The following GRIN3A variants were observed in gnomAD, a reference collection of about 807,000 sequenced individuals.
The protein encoded by GRIN3A is glutamate ionotropic receptor NMDA type subunit 3A, also known as glutamate receptor ionotropic, NMDA 3A.
Under a neutral mutation model 92.4 loss-of-function variants are expected in GRIN3A, and 47 were observed. That is an observed-to-expected ratio of 0.51 (90% CI 0.40 to 0.65). GRIN3A has a LOEUF of 0.65. GRIN3A is among the 30% of genes least tolerant of loss of function. The probability of loss-of-function intolerance (pLI) is 0.00; values close to 1 mark genes in which losing one functional copy is unlikely to be tolerated. For synonymous variants in GRIN3A, 527 were observed against 540.6 expected (o/e 0.97, Z 0.35); for missense variants, 1,324 against 1,393.1 (o/e 0.95, Z 0.79).
chr9:101,668,665 G>A (rs2118947153), intron 3 of GRIN3A, among the ~76,000 whole-genome samples: 1 of 152,228 alleles, frequency 6.6e-6, no homozygotes, highest in East Asian at 1.9e-4. Context: ...TCATTGAGAA[G>A]TTACAAAATT....
intron 3 of GRIN3A, among the ~76,000 whole-genome samples, chr9:101,652,729 T>G (rs1287065968): frequency 6.6e-6 from 1 of 152,038 alleles, no homozygotes; most frequent in African/African-American, 2.4e-5. Flanking sequence ...TGAGGAAAAC[T>G]AGTTGAGTAA....
intron 5 of GRIN3A, among the ~76,000 whole-genome samples, chr9:101,619,370 G>A (rs1260546099): frequency 6.6e-6 from 1 of 152,102 alleles, no homozygotes; most frequent in South Asian, 2.1e-4. Context: ...AGAAATGTGT[G>A]GGAGAAGTTG....
intron 3 of GRIN3A, among the ~76,000 whole-genome samples, chr9:101,649,475 T>G (rs1398508748): frequency 6.6e-6 from 1 of 152,004 alleles, no homozygotes; most frequent in Non-Finnish European, 1.5e-5. Context: ...GGGCTTTTCA[T>G]GAAGATTCCA....
intron 5 of GRIN3A, among the ~76,000 whole-genome samples, chr9:101,619,185 T>A (rs1157435789): frequency 6.6e-6 from 1 of 152,196 alleles, no homozygotes; most frequent in African/African-American, 2.4e-5. Context: ...AAATAGCATC[T>A]CAGATAGGGT....
At chr9:101,616,340 T>C (rs4743475) in intron 5 of GRIN3A, among the ~76,000 whole-genome samples, 20,299 of 152,182 alleles carry the variant, frequency 0.13, 1,418 homozygotes, top group East Asian at 0.24. Flanking sequence ...TTTAAAATGT[T>C]ATTTAATAAT....
chr9:101,699,092 CT>C (rs1829722372), intron 1 of GRIN3A, among the ~76,000 whole-genome samples: 1 of 152,188 alleles, frequency 6.6e-6, no homozygotes, highest in Non-Finnish European at 1.5e-5. Flanking sequence ...CATCGTAGAG[CT>C]GTACAAAAAT....
chr9:101,716,532 C>A lies in GRIN3A; in HGVS notation c.699+20749G>T, dbSNP rs536976452. On this transcript the variant is annotated intron_variant, in intron 1 of 8. Transcript: ENST00000361820. ...GAATAGAATGGATTATATTCATTAT[C>A]TTTTAGAGCCTTTTTTCTTTCTTGT... Among the ~76,000 whole-genome samples, 4 of 152,160 alleles carry A rather than the reference C, an allele frequency of 2.6e-5. No individual in the cohort carries two copies. In the East Asian group the frequency reaches 7.7e-4, roughly 29 times the overall value.
intron 1 of GRIN3A, among the ~76,000 whole-genome samples, chr9:101,724,412 C>T (rs1251359507): frequency 2.6e-5 from 4 of 152,288 alleles, no homozygotes; most frequent in South Asian, 2.1e-4. Flanking sequence ...GCTCCGAGTG[C>T]GGGGCCCGCC....
chr9:101,675,415 A>G (rs1409084256), intron 2 of GRIN3A, among the ~76,000 whole-genome samples: 1 of 151,920 alleles, frequency 6.6e-6, no homozygotes, highest in Admixed American at 6.6e-5. Context: ...TTTGCATGCA[A>G]AATGTTGACA....
intron 6 of GRIN3A, among the ~76,000 whole-genome samples, chr9:101,590,353 T>C (rs1223359032): frequency 7.5e-5 from 3 of 39,794 alleles, no homozygotes; most frequent in African/African-American, 1.8e-4. Context: ...ACTCTATTTA[T>C]TTATTTATTT....
chr9:101,672,950 A>G (rs2118956028), intron 2 of GRIN3A, among the ~76,000 whole-genome samples: 1 of 152,332 alleles, frequency 6.6e-6, no homozygotes, highest in East Asian at 1.9e-4. Context: ...ACTATAAGGG[A>G]AAGCTGATAC....
chr9:101,646,078 A>G (rs1404167023), intron 3 of GRIN3A, among the ~76,000 whole-genome samples: 1 of 151,724 alleles, frequency 6.6e-6, no homozygotes, highest in Non-Finnish European at 1.5e-5. Context: ...TTTTAGCTCA[A>G]TGTAGTCCTG....
At chr9:101,726,089 T>C (rs1830079189) in intron 1 of GRIN3A, among the ~76,000 whole-genome samples, 1 of 152,216 alleles carries the variant, frequency 6.6e-6, no homozygotes, top group Non-Finnish European at 1.5e-5. Flanking sequence ...GTCAGTCTCA[T>C]ATTGAGCATG....
In GRIN3A at chr9:101,648,042, G is replaced by C. The variant is rs541411366; in HGVS notation, c.2353-19641C>G. Among the ~76,000 whole-genome samples, 5 of 151,228 alleles carry C rather than the reference G, an allele frequency of 3.3e-5. No individual in the cohort carries two copies. In the East Asian group the frequency reaches 9.8e-4, roughly 30 times the overall value. ...TTAATTTTGGGTTTGGTTTATTCTT[G>C]CTTTTCTAGTTCGTTGAGGTGCATT... On this transcript the variant is annotated intron_variant, in intron 3 of 8. Transcript: ENST00000361820.
rs140872676 is a variant in GRIN3A, at chr9:101,573,472, G to A, written c.3050C>T (p.Ser1017Phe). ...CCGTCGGTTGTCATGACTCAGATTGGAAGTATTCCATACGGTAAGCTGACG... is the reference window on the plus strand; with the variant it reads ...CCGTCGGTTGTCATGACTCAGATTGAAAGTATTCCATACGGTAAGCTGACG... Reference protein sequence around the residue: ...GPRQLTVWNTSNLSHDNRRKY... With the variant: ...GPRQLTVWNTFNLSHDNRRKY... The change falls in exon 9 of 9, where the codon TCC (serine) becomes TTC (phenylalanine). Residue 1017 changes from serine (S) to phenylalanine (F), a missense_variant. Coordinates refer to ENST00000361820, the MANE Select transcript of GRIN3A (RefSeq NM_133445.3). The A allele has an allele frequency of 5.4e-4, 870 of 1,614,028 alleles. No homozygotes were observed. The highest frequency in any genetic ancestry group is 7.0e-4 in the Non-Finnish European group (823 of 1,179,964).
At chr9:101,723,556 C>T (rs1282845519) in intron 1 of GRIN3A, among the ~76,000 whole-genome samples, 1 of 152,148 alleles carries the variant, frequency 6.6e-6, no homozygotes, top group East Asian at 1.9e-4. Flanking sequence ...CTGGCTCGGG[C>T]AGCCTGCTTT....
chr9:101,673,757 C>G (rs1829358826), intron 2 of GRIN3A, among the ~76,000 whole-genome samples: 1 of 152,078 alleles, frequency 6.6e-6, no homozygotes, highest in African/African-American at 2.4e-5. Context: ...GCACCATAAA[C>G]TGACAAACTC....
At chr9:101,734,060 C>T (rs1364188910) in intron 1 of GRIN3A, among the ~76,000 whole-genome samples, 1 of 152,140 alleles carries the variant, frequency 6.6e-6, no homozygotes, top group Admixed American at 6.6e-5. Context: ...ATCATTAACT[C>T]TGCCTAATAG....
At chr9:101,609,986 A>AC (rs1564125537) in intron 6 of GRIN3A, among the ~76,000 whole-genome samples, 4 of 152,244 alleles carry the variant, frequency 2.6e-5, no homozygotes, top group African/African-American at 9.6e-5. Flanking sequence ...GGCATGAGCC[A>AC]CTGCACCCAG....
Sources: allele counts gnomAD v4.1 joint callset (sites outside exome capture counted in the v4.1 genomes callset), GRCh38; gene constraint gnomAD v4.1.1; transcripts MANE v1.5; gene names NCBI Gene and HGNC (gene_info 2026-07-23, HGNC 2026-07-21).